PACS1: variants seen among roughly 807,000 people sequenced by gnomAD.
PACS1 encodes phosphofurin acidic cluster sorting protein 1.
PACS1 carries 24 observed loss-of-function variants against 115.0 expected under a neutral mutation model. The ratio of observed to expected loss-of-function variants is 0.21; its 90% CI spans 0.15 to 0.29. PACS1 has a LOEUF of 0.29. Among genes scored for constraint, PACS1 ranks in the 10% least tolerant of loss-of-function variants. The pLI, the probability that PACS1 is intolerant of heterozygous loss-of-function variation, is 1.00. For missense variants in PACS1, 838 were observed against 1,251.2 expected (o/e 0.67, Z 4.98); for synonymous variants, 453 against 504.5 (o/e 0.90, Z 1.37).
intron 1 of PACS1, among the ~76,000 whole-genome samples, chr11:66,168,750 A>G (rs1223664526): frequency 1.4e-5 from 2 of 142,540 alleles, no homozygotes; most frequent in Admixed American, 6.9e-5. Flanking sequence ...GTATATATAT[A>G]TATGTGTGTG....
At chr11:66,101,077 G>A (rs1300268719) in intron 1 of PACS1, among the ~76,000 whole-genome samples, 2 of 152,190 alleles carry the variant, frequency 1.3e-5, no homozygotes, top group East Asian at 1.9e-4. Flanking sequence ...GACTGTTAAA[G>A]AATTTATAGA....
intron 1 of PACS1, among the ~76,000 whole-genome samples, chr11:66,095,811 G>A (rs1045442816): frequency 1.3e-5 from 2 of 152,150 alleles, no homozygotes; most frequent in Non-Finnish European, 2.9e-5. Flanking sequence ...AGAGAGTCAC[G>A]TAGTTTTACA....
At chr11:66,227,650 C>A in intron 11 of PACS1, 66 bp downstream of exon 11, 2 of 989,918 alleles carry the variant, frequency 2.0e-6, no homozygotes, top group Non-Finnish European at 3.1e-6. Context: ...GAAATAACGG[C>A]AGAAGGACCC....
chr11:66,180,043 T>C (rs899054472), intron 1 of PACS1, among the ~76,000 whole-genome samples: 1 of 152,172 alleles, frequency 6.6e-6, no homozygotes, highest in Non-Finnish European at 1.5e-5. Context: ...GGTTTCACCA[T>C]GTTGGCCAAG....
chr11:66,073,916 CTTTTTTTTTT>C (rs34145797), intron 1 of PACS1, among the ~76,000 whole-genome samples: 63 of 76,938 alleles, frequency 8.2e-4, no homozygotes, highest in African/African-American at 2.7e-3. Context: ...TCACACCTGG[CTTTTTTTTTT>C]TTTTTTTTTT....
intron 1 of PACS1, among the ~76,000 whole-genome samples, chr11:66,186,111 A>AT (rs1590804704): frequency 5.3e-5 from 8 of 150,306 alleles, no homozygotes; most frequent in African/African-American, 7.3e-5. Context: ...TGCAAAAAAA[A>AT]TTTTTTTTTT....
At chr11:66,091,905 T>G (rs1857673617) in intron 1 of PACS1, among the ~76,000 whole-genome samples, 1 of 152,128 alleles carries the variant, frequency 6.6e-6, no homozygotes, top group Admixed American at 6.5e-5. Flanking sequence ...CCACATTTTC[T>G]TAATCCAGTC....
chr11:66,191,442 G>C (rs1854520538), intron 1 of PACS1, among the ~76,000 whole-genome samples: 1 of 152,122 alleles, frequency 6.6e-6, no homozygotes, highest in Non-Finnish European at 1.5e-5. Flanking sequence ...TGGGGGCTGG[G>C]TATTTGGTCC....
rs117953016 is a variant in PACS1, at chr11:66,159,891, G to T, written c.357-33595G>T. ...GCATTCGTGACACTGTTTAGAAAGG[G>T]GTAATTTAAATGCCCTTTAATCTGG... is the stretch of plus-strand genomic sequence containing the variant. On this transcript the variant is annotated intron_variant, in intron 1 of 23. Transcript: ENST00000320580. 1.5e-4 allele frequency among the ~76,000 whole-genome samples: 23 copies of T among 152,270 alleles called. No homozygotes were observed. The East Asian group carries it at 4.4e-3, about 29-fold the overall frequency.
intron 1 of PACS1, among the ~76,000 whole-genome samples, chr11:66,190,607 C>T (rs938434647): frequency 2.0e-5 from 3 of 152,082 alleles, no homozygotes; most frequent in Admixed American, 6.6e-5. Context: ...AGGCTGGCCT[C>T]GAACTACTGG....
chr11:66,168,647 A>G lies in PACS1; in HGVS notation c.357-24839A>G, dbSNP rs559878720. 3.6e-4 allele frequency among the ~76,000 whole-genome samples: 54 copies of G among 150,130 alleles called. 3 individuals carry two copies. Among genetic ancestry groups the G allele is most frequent in the African/African-American group, 1.2e-3 (48 of 39,582 alleles). Reference sequence around the variant, plus strand: ...AAATAGGCGCTAATATTTCTACTTCATAGGGGCATATAGTAAATGCTCAGT... The same window carrying G: ...AAATAGGCGCTAATATTTCTACTTCGTAGGGGCATATAGTAAATGCTCAGT... On this transcript the variant is annotated intron_variant, in intron 1 of 23. Transcript: ENST00000320580.
intron 1 of PACS1, among the ~76,000 whole-genome samples, chr11:66,137,381 A>G (rs1222562390): frequency 6.6e-6 from 1 of 152,102 alleles, no homozygotes; most frequent in Non-Finnish European, 1.5e-5. Context: ...CTCCAACATT[A>G]TTGAATTACT....
chr11:66,214,620 CTT>C (rs578031707), intron 4 of PACS1, among the ~76,000 whole-genome samples: 1 of 115,324 alleles, frequency 8.7e-6, no homozygotes. Context: ...TTTTTCTTTT[CTT>C]TTTTTTTTTT....
intron 1 of PACS1, among the ~76,000 whole-genome samples, chr11:66,172,646 C>G (rs930009749): frequency 6.6e-6 from 1 of 152,132 alleles, no homozygotes; most frequent in African/African-American, 2.4e-5. Context: ...ACCACCTAGC[C>G]CAGCTGCTTC....
Position 66,241,544 on chromosome 11 carries a change from C to A in PACS1, c.2547C>A (p.Leu849=). ...DKRDASSKNT[L]KSVFRSVQVS... ...GGGACGCCAGCTCGAAGAACACCCT[C>A]AAGAGTGTCTTCCGCTCAGTGCAGG... The change falls in exon 22 of 24, where the codon CTC becomes CTA. Residue 849 remains leucine, a synonymous_variant. Transcript: ENST00000320580. 6.2e-7 allele frequency: 1 copy of A among 1,614,236 alleles called. No individual in the cohort carries two copies. Among genetic ancestry groups the A allele is most frequent in the Non-Finnish European group, 8.5e-7 (1 of 1,180,038 alleles).
chr11:66,229,431 G>A (rs1485219891), intron 11 of PACS1, among the ~76,000 whole-genome samples: 1 of 151,618 alleles, frequency 6.6e-6, no homozygotes, highest in Non-Finnish European at 1.5e-5. Context: ...TGGGGGCGGT[G>A]GTTCATGCCT....
At chr11:66,096,595 C>T (rs1372998764) in intron 1 of PACS1, among the ~76,000 whole-genome samples, 2 of 151,440 alleles carry the variant, frequency 1.3e-5, no homozygotes, top group Admixed American at 6.6e-5. Flanking sequence ...CCTCTGCCTC[C>T]CGGGTTCAAG....
intron 1 of PACS1, among the ~76,000 whole-genome samples, chr11:66,117,471 A>AG (rs1421193611): frequency 6.7e-6 from 1 of 150,354 alleles, no homozygotes; most frequent in African/African-American, 2.4e-5. Context: ...AAAAAAAAAA[A>AG]AAAGAGAGAA....
intron 1 of PACS1, among the ~76,000 whole-genome samples, chr11:66,097,476 A>G (rs546182408): frequency 1.2e-4 from 18 of 152,212 alleles, no homozygotes; most frequent in Non-Finnish European, 1.8e-4. Context: ...AGTGTTGCCA[A>G]CAACCATGTG....
Sources: allele counts gnomAD v4.1 joint callset (sites outside exome capture counted in the v4.1 genomes callset), GRCh38; gene constraint gnomAD v4.1.1; transcripts MANE v1.5; gene names NCBI Gene and HGNC (gene_info 2026-07-23, HGNC 2026-07-21).